The following PRKN variants were observed in gnomAD, a reference collection of about 807,000 sequenced individuals.
PRKN encodes the protein E3 ubiquitin-protein ligase parkin.
A neutral mutation model predicts 59.5 loss-of-function variants in PRKN; 56 were observed. The observed-to-expected ratio is 0.94, with a 90% CI of 0.76 to 1.18. The LOEUF (loss-of-function observed/expected upper bound fraction) is 1.18. PRKN is among the 50% of genes most tolerant of loss of function. The probability of loss-of-function intolerance (pLI) is 0.00; values close to 1 mark genes in which losing one functional copy is unlikely to be tolerated. For synonymous variants in PRKN, 250 were observed against 222.1 expected (o/e 1.13, Z -1.12); for missense variants, 657 against 596.4 (o/e 1.10, Z -1.06).
intron 2 of PRKN, among the ~76,000 whole-genome samples, chr6:162,277,761 G>A (rs1008653270): frequency 6.6e-6 from 1 of 152,090 alleles, no homozygotes; most frequent in Non-Finnish European, 1.5e-5. Context: ...ATAAATCCCA[G>A]AACAAAGGCA....
At position 161,423,499 on chromosome 6, in the gene PRKN, C is replaced by G. The variant is rs1216890306; in HGVS notation, c.1084-36622G>C. Among the ~76,000 whole-genome samples, 1 of 152,182 alleles carries G rather than the reference C, an allele frequency of 6.6e-6. No homozygotes were observed. Among genetic ancestry groups the G allele is most frequent in the Non-Finnish European group, 1.5e-5 (1 of 68,038 alleles). The stretch of plus-strand genomic sequence containing the variant: ...GAACAGGGGCATAGGCAGTGTTTGT[C>G]AAGCTCTGGAATGTGGATGACAAAG... On this transcript the variant is annotated intron_variant, in intron 9 of 11. Transcript: ENST00000366898. The surrounding 1 kb of genome is among the most constrained non-coding windows in gnomAD (Gnocchi z 5.9).
chr6:161,869,248 G>A (rs1893094), intron 6 of PRKN, among the ~76,000 whole-genome samples: 1 of 151,954 alleles, frequency 6.6e-6, no homozygotes, highest in African/African-American at 2.4e-5. Context: ...GCGTGGTGGC[G>A]TGCACCTGTA....
intron 7 of PRKN, among the ~76,000 whole-genome samples, chr6:161,622,434 A>G (rs1394580982): frequency 6.6e-6 from 1 of 151,976 alleles, no homozygotes; most frequent in Non-Finnish European, 1.5e-5. Context: ...AGGTTCTGGG[A>G]GCTGTGCCCA....
intron 1 of PRKN, among the ~76,000 whole-genome samples, chr6:162,481,435 A>G (rs1792306077): frequency 6.6e-6 from 1 of 152,166 alleles, no homozygotes. Context: ...AGATTCTACC[A>G]CTACTGGTGG....
At chr6:162,674,792 C>G (rs947225267) in intron 1 of PRKN, among the ~76,000 whole-genome samples, 6 of 152,046 alleles carry the variant, frequency 3.9e-5, no homozygotes, top group African/African-American at 1.2e-4. Context: ...CTCCAGGCAA[C>G]AACTAATGCT....
Position 162,447,601 on chromosome 6 carries a change from T to C in PRKN, c.8-4128A>G, listed in dbSNP as rs140919136. On this transcript the variant is annotated intron_variant, in intron 1 of 11. Coordinates refer to ENST00000366898, the MANE Select transcript of PRKN (RefSeq NM_004562.3). ...TGAGAAGTCCCAGAGAGTAAGGAAG[T>C]GAATGGGTGGGAAGAGGGGAAAGGG... Among the ~76,000 whole-genome samples, 292 of 152,202 alleles carry C rather than the reference T, an allele frequency of 1.9e-3. 1 individual carries two copies. Among genetic ancestry groups the C allele is most frequent in the African/African-American group, 6.6e-3 (276 of 41,534 alleles).
intron 5 of PRKN, among the ~76,000 whole-genome samples, chr6:162,012,396 AAT>A (rs1207137590): frequency 6.6e-6 from 1 of 152,006 alleles, no homozygotes; most frequent in Middle Eastern, 3.2e-3. Flanking sequence ...ATGCAAAGTA[AAT>A]ATATGCATAT....
In PRKN at chr6:162,442,261, C is replaced by T. The variant is rs950709925; in HGVS notation, c.171+1049G>A. On this transcript the variant is annotated intron_variant, in intron 2 of 11. Transcript: ENST00000366898. ...CAGGGAAAGGATGCAGATACAAGGA[C>T]GGACTTTGTGTACTCTGACCCAGGA... 2.0e-4 allele frequency among the ~76,000 whole-genome samples: 31 copies of T among 152,148 alleles called. 1 individual carries two copies. The highest frequency in any genetic ancestry group is 2.0e-3 in the Admixed American group (30 of 15,274).
chr6:161,848,876 T>C (rs1184018955), intron 6 of PRKN, among the ~76,000 whole-genome samples: 3 of 152,186 alleles, frequency 2.0e-5, no homozygotes, highest in Non-Finnish European at 2.9e-5. Flanking sequence ...TTGCATTTGG[T>C]ACACTTTCTG....
chr6:162,667,379 T>A (rs1409028099), intron 1 of PRKN, among the ~76,000 whole-genome samples: 1 of 152,118 alleles, frequency 6.6e-6, no homozygotes, highest in East Asian at 1.9e-4. Context: ...CTGTTTAAAA[T>A]ATTTTAGTTA....
chr6:161,871,249 C>T (rs1022843736), intron 6 of PRKN, among the ~76,000 whole-genome samples: 1 of 151,936 alleles, frequency 6.6e-6, no homozygotes, highest in Non-Finnish European at 1.5e-5. Flanking sequence ...CATCATTAGA[C>T]GTATGATGGT....
chr6:161,696,156 A>T (rs1786014580), intron 7 of PRKN, among the ~76,000 whole-genome samples: 3 of 152,232 alleles, frequency 2.0e-5, no homozygotes, highest in Admixed American at 2.0e-4. Flanking sequence ...GATGACAATC[A>T]GTAGATAAAA....
At chr6:162,225,276 A>T (rs1409572891) in intron 3 of PRKN, among the ~76,000 whole-genome samples, 1 of 152,122 alleles carries the variant, frequency 6.6e-6, no homozygotes, top group African/African-American at 2.4e-5. Flanking sequence ...CATGACTGTA[A>T]ATACCTTATG....
chr6:161,749,687 T>TGTAGTGGGGAGGA (rs1357013571), intron 7 of PRKN, among the ~76,000 whole-genome samples: 6 of 152,000 alleles, frequency 3.9e-5, no homozygotes, highest in Non-Finnish European at 8.8e-5. Flanking sequence ...CTGGGGAAGC[T>TGTAGTGGGGAGGA]GTAGTGGGGA....
chr6:162,450,478 C>G (rs1435199581), intron 1 of PRKN, among the ~76,000 whole-genome samples: 1 of 149,216 alleles, frequency 6.7e-6, no homozygotes. Context: ...AACAACCTCA[C>G]AGTGGAGAAA....
chr6:161,925,924 G>A (rs6901122), intron 6 of PRKN, among the ~76,000 whole-genome samples: 9,952 of 152,002 alleles, frequency 0.065, 411 homozygotes, highest in South Asian at 0.15. Flanking sequence ...TATATGTCTC[G>A]TCTCCTCCCC....
intron 9 of PRKN, among the ~76,000 whole-genome samples, chr6:161,478,064 G>T (rs11970190): frequency 3.3e-5 from 5 of 152,204 alleles, no homozygotes; most frequent in African/African-American, 1.2e-4. Flanking sequence ...ACAATAAAAT[G>T]ACAATATACA....
intron 5 of PRKN, among the ~76,000 whole-genome samples, chr6:162,027,416 G>C (rs569252325): frequency 1.3e-5 from 2 of 152,246 alleles, no homozygotes; most frequent in South Asian, 4.2e-4. Context: ...TCAGAGAATT[G>C]CTCTGATTTC....
chr6:162,148,680 G>T (rs948256407), intron 4 of PRKN, among the ~76,000 whole-genome samples: 4 of 152,196 alleles, frequency 2.6e-5, no homozygotes, highest in Non-Finnish European at 2.9e-5. Flanking sequence ...CTAAGCAAAG[G>T]CCTGAAAGAA....
Sources: gnomAD v4.1 joint callset for allele counts (sites outside exome capture counted in the v4.1 genomes callset) on GRCh38, gnomAD v4.1.1 for gene constraint, Gnocchi (gnomAD v3.1) non-coding constraint, MANE v1.5 for transcripts, NCBI Gene and HGNC (gene_info 2026-07-23, HGNC 2026-07-21) for gene names.